The following TRPS1 variants were observed in gnomAD, a reference collection of about 807,000 sequenced individuals.
TRPS1 encodes transcriptional repressor GATA binding 1, also known as zinc finger transcription factor Trps1.
Under a neutral mutation model 101.2 loss-of-function variants are expected in TRPS1, and 6 were observed. The ratio of observed to expected loss-of-function variants is 0.06; its 90% CI spans 0.03 to 0.12. The LOEUF is 0.12. Ranked by LOEUF, TRPS1 falls within the 10% of genes least tolerant of loss-of-function variation. The probability of loss-of-function intolerance (pLI) is 1.00; values close to 1 mark genes in which losing one functional copy is unlikely to be tolerated. For synonymous variants in TRPS1, 578 were observed against 589.8 expected (o/e 0.98, Z 0.29); for missense variants, 1,363 against 1,567.0 (o/e 0.87, Z 2.20).
At chr8:115,419,855 T>C (rs1197597203) in intron 5 of TRPS1, among the ~76,000 whole-genome samples, 1 of 152,226 alleles carries the variant, frequency 6.6e-6, no homozygotes, top group Non-Finnish European at 1.5e-5. Flanking sequence ...ATTATGATCT[T>C]GCAATTGCTG....
intron 5 of TRPS1, among the ~76,000 whole-genome samples, chr8:115,558,540 C>T (rs1443249737): frequency 1.3e-5 from 2 of 152,174 alleles, no homozygotes; most frequent in Non-Finnish European, 2.9e-5. Context: ...CTTCTCAGTG[C>T]TGCAAAGCAT....
At chr8:115,532,241 C>A (rs897038337) in intron 5 of TRPS1, among the ~76,000 whole-genome samples, 1 of 98,848 alleles carries the variant, frequency 1.0e-5, no homozygotes, top group South Asian at 3.5e-4. Context: ...GAAATCAGAG[C>A]GCATTTTTTT....
chr8:115,523,125 A>T lies in TRPS1; in HGVS notation c.2700+63876T>A, dbSNP rs569865892. 2.6e-5 allele frequency among the ~76,000 whole-genome samples: 4 copies of T among 152,148 alleles called. No individual in the cohort carries two copies. In the East Asian group the frequency reaches 7.7e-4, roughly 29 times the overall value. On this transcript the variant is annotated intron_variant, in intron 5 of 6. Coordinates refer to ENST00000395715, the MANE Select transcript of TRPS1 (RefSeq NM_014112.5). ...TAGGGGAGAAAAAAAAATTGTTCTC[A>T]GAGAATCCCAACATATCCCAAAATA...
chr8:115,622,066 T>A (rs755826366), intron 2 of TRPS1, among the ~76,000 whole-genome samples: 10 of 152,100 alleles, frequency 6.6e-5, no homozygotes, highest in Non-Finnish European at 1.5e-4. Flanking sequence ...AAGTTTCAAG[T>A]GAAAGTGTTG....
intron 5 of TRPS1, among the ~76,000 whole-genome samples, chr8:115,483,650 A>C (rs948842812): frequency 2.6e-5 from 4 of 152,164 alleles, no homozygotes; most frequent in Non-Finnish European, 4.4e-5. Flanking sequence ...GCTCACAGCA[A>C]GGAAGTGGCA....
intron 5 of TRPS1, among the ~76,000 whole-genome samples, chr8:115,561,266 C>T (rs927622589): frequency 6.6e-6 from 1 of 152,078 alleles, no homozygotes; most frequent in Non-Finnish European, 1.5e-5. Flanking sequence ...GCTGAAAACA[C>T]CGTGAAGGCA....
chr8:115,626,518 G>T (rs1334995055), intron 1 of TRPS1, among the ~76,000 whole-genome samples: 2 of 151,624 alleles, frequency 1.3e-5, no homozygotes, highest in East Asian at 3.9e-4. Flanking sequence ...GTCAGATCCT[G>T]TTCTTTCCTA....
chr8:115,514,162 GAT>G (rs1367098102), intron 5 of TRPS1, among the ~76,000 whole-genome samples: 1 of 151,658 alleles, frequency 6.6e-6, no homozygotes, highest in Non-Finnish European at 1.5e-5. Context: ...CCTTCTCTAA[GAT>G]ACTCTCTTGT....
chr8:115,561,448 C>G (rs747654533), intron 5 of TRPS1, among the ~76,000 whole-genome samples: 6 of 150,726 alleles, frequency 4.0e-5, no homozygotes, highest in Non-Finnish European at 7.4e-5. Flanking sequence ...ATATTTTGTT[C>G]TCTCAACTTC....
intron 5 of TRPS1, among the ~76,000 whole-genome samples, chr8:115,536,174 T>C (rs866900713): frequency 7.9e-5 from 12 of 152,138 alleles, no homozygotes; most frequent in Admixed American, 7.9e-4. Context: ...ATGTAATTCA[T>C]TTAATCCTAA....
chr8:115,580,378 C>G (rs1264872321), intron 5 of TRPS1, among the ~76,000 whole-genome samples: 1 of 151,762 alleles, frequency 6.6e-6, no homozygotes, highest in Non-Finnish European at 1.5e-5. Context: ...GTAAAATGGA[C>G]CCATCAGACT....
chr8:115,469,911 AAAAGT>A (rs1814424376), intron 5 of TRPS1, among the ~76,000 whole-genome samples: 1 of 152,204 alleles, frequency 6.6e-6, no homozygotes, highest in South Asian at 2.1e-4. Context: ...AAGTGTCTGG[AAAAGT>A]AAATCTCTCA....
At chr8:115,531,368 A>C (rs1416567584) in intron 5 of TRPS1, among the ~76,000 whole-genome samples, 2 of 152,196 alleles carry the variant, frequency 1.3e-5, no homozygotes, top group Non-Finnish European at 2.9e-5. Context: ...CAGACTAGCA[A>C]ATTCAAGATA....
intron 5 of TRPS1, among the ~76,000 whole-genome samples, chr8:115,470,524 T>A (rs151171671): frequency 1.3e-4 from 20 of 152,350 alleles, no homozygotes; most frequent in African/African-American, 4.8e-4. Context: ...TACTTGTGTA[T>A]CATTAGAATC....
At chr8:115,536,793 T>G (rs1042814474) in intron 5 of TRPS1, among the ~76,000 whole-genome samples, 8 of 151,652 alleles carry the variant, frequency 5.3e-5, no homozygotes, top group Non-Finnish European at 4.4e-5. Context: ...TGAAGTTTTT[T>G]TTTTGTTTTT....
Position 115,619,956 on chromosome 8 carries a change from T to C in TRPS1, c.142A>G (p.Lys48Glu), listed in dbSNP as rs1818356339. The C allele has an allele frequency of 1.2e-6, 2 of 1,614,210 alleles. No homozygotes were observed. Among genetic ancestry groups the C allele is most frequent in the Non-Finnish European group, 1.7e-6 (2 of 1,180,040 alleles). The change falls in exon 3 of 7, where the codon AAA (lysine) becomes GAA (glutamate). Residue 48 changes from lysine to glutamate, a missense_variant. By Grantham distance (56) the Lys-to-Glu change is moderately conservative. Around this residue, in one of 5 missense-constraint regions of TRPS1, gnomAD observed 1,020 missense variants for 1,073.0 expected, o/e 0.95. Coordinates refer to ENST00000395715, the MANE Select transcript of TRPS1 (RefSeq NM_014112.5). ...GTESKVSGKN[K>E]EFSADQMSEN... ...GACATCTGATCTGCAGAAAATTCTT[T>C]GTTCTTTCCAGATACCTTGCTTTCT... is the stretch of plus-strand genomic sequence containing the variant.
chr8:115,523,720 G>A (rs1319771066), intron 5 of TRPS1, among the ~76,000 whole-genome samples: 1 of 152,098 alleles, frequency 6.6e-6, no homozygotes, highest in Admixed American at 6.6e-5. Context: ...ATCTAAAAGA[G>A]CATGATGATA....
At position 115,435,167 on chromosome 8, in the gene TRPS1, A is replaced by T. The variant is rs912293533; in HGVS notation, c.2701-16715T>A. Among the ~76,000 whole-genome samples the T allele has an allele frequency of 7.2e-5, 11 of 152,194 alleles. No homozygotes were observed. In the East Asian group the frequency reaches 1.2e-3, roughly 16 times the overall value. ...GTGGTTTATATTCAAAATAGTTATTATATTCTCCATCAATCAATTTATTGA... is the reference window on the plus strand; with the variant it reads ...GTGGTTTATATTCAAAATAGTTATTTTATTCTCCATCAATCAATTTATTGA... On this transcript the variant is annotated intron_variant, in intron 5 of 6. Coordinates refer to ENST00000395715, the MANE Select transcript of TRPS1 (RefSeq NM_014112.5).
At chr8:115,425,590 C>G (rs1813168200) in intron 5 of TRPS1, among the ~76,000 whole-genome samples, 1 of 152,200 alleles carries the variant, frequency 6.6e-6, no homozygotes, top group Non-Finnish European at 1.5e-5. Context: ...CCCGATATAT[C>G]AGGTAATGCT....
Sources: allele counts gnomAD v4.1 joint callset (sites outside exome capture counted in the v4.1 genomes callset), GRCh38; gene constraint gnomAD v4.1.1; regional missense constraint gnomAD v4.1.1; transcripts MANE v1.5; gene names NCBI Gene and HGNC (gene_info 2026-07-23, HGNC 2026-07-21).